The following FABP6 variants were observed in gnomAD, a reference collection of about 807,000 sequenced individuals.
The protein encoded by FABP6 is gastrotropin.
Under a neutral mutation model 14.9 loss-of-function variants are expected in FABP6, and 13 were observed. That is an observed-to-expected ratio of 0.87 (90% confidence interval 0.57 to 1.39). The LOEUF is 1.39. Ranked by LOEUF, FABP6 falls within the 40% of genes most tolerant of loss-of-function variation. The pLI is 0.00. For synonymous variants in FABP6, 75 were observed against 63.6 expected, an observed-to-expected ratio of 1.18 and a Z score of -0.85; for missense variants, 161 against 167.2, an observed-to-expected ratio of 0.96 and a Z score of 0.20.
intron 2 of FABP6, among the ~76,000 whole-genome samples, chr5:160,208,893 C>T (rs1223131946): frequency 6.6e-6 from 1 of 151,726 alleles, no homozygotes; most frequent in African/African-American, 2.4e-5. Context: ...TCTCCTGCCT[C>T]AGCCTCCCAA....
chr5:160,217,196 T>C (rs1171699419), intron 3 of FABP6, among the ~76,000 whole-genome samples: 1 of 152,196 alleles, frequency 6.6e-6, no homozygotes, highest in Non-Finnish European at 1.5e-5. Flanking sequence ...GCAAGTTTTG[T>C]TGAGGGCAGA....
At chr5:160,194,259 C>G (rs1170848541) in intron 1 of FABP6, among the ~76,000 whole-genome samples, 1 of 152,230 alleles carries the variant, frequency 6.6e-6, no homozygotes, top group South Asian at 2.1e-4. Context: ...CGCATCCGCA[C>G]GCAGCCCCAG....
chr5:160,198,909 G>A (rs987977414), intron 1 of FABP6: 6 of 586,284 alleles, frequency 1.0e-5, no homozygotes, highest in East Asian at 2.8e-5. Flanking sequence ...GGGACCTCAC[G>A]TGTTTCTTCT....
At position 160,190,390 on chromosome 5, in the gene FABP6, G is replaced by A. The variant is rs538449994; in HGVS notation, c.-59+2936G>A. 5.9e-5 allele frequency among the ~76,000 whole-genome samples: 9 copies of A among 152,070 alleles called. No homozygotes were observed. The East Asian group carries it at 1.2e-3, about 20-fold the overall frequency. On this transcript the variant is annotated intron_variant, in intron 1 of 6. Transcript: ENST00000393980. ...TGGGATTACAGGCATGCACCACCAC[G>A]TCCAGCTAAGTTTGTATTTTTAGTG...
chr5:160,215,186 T>A (rs1279580822), intron 3 of FABP6, among the ~76,000 whole-genome samples: 1 of 152,218 alleles, frequency 6.6e-6, no homozygotes, highest in Non-Finnish European at 1.5e-5. Flanking sequence ...TAAGTTGTGA[T>A]ATGTCTGTAC....
At chr5:160,209,078 G>A (rs917183215) in intron 2 of FABP6, among the ~76,000 whole-genome samples, 2 of 151,762 alleles carry the variant, frequency 1.3e-5, no homozygotes. Context: ...ACCCAGCAGG[G>A]AGACCCCATT....
upstream of FABP6, among the ~76,000 whole-genome samples, chr5:160,225,827 G>T (rs1361803219): frequency 6.6e-6 from 1 of 152,116 alleles, no homozygotes; most frequent in Non-Finnish European, 1.5e-5. Flanking sequence ...TGATAAGAAA[G>T]AAAACAATAA....
intron 1 of FABP6, among the ~76,000 whole-genome samples, chr5:160,231,044 A>C (rs981398937): frequency 2.6e-5 from 4 of 152,200 alleles, no homozygotes; most frequent in Non-Finnish European, 5.9e-5. Context: ...AGTCTCAGGC[A>C]GTGTAACTCT....
At chr5:160,236,809 T>C (rs1156873283) in intron 3 of FABP6, among the ~76,000 whole-genome samples, 1 of 133,744 alleles carries the variant, frequency 7.5e-6, no homozygotes. Context: ...CGGTCTCTAC[T>C]AAAAATACAA....
At chr5:160,225,093 GT>G (rs61110860), upstream of FABP6, among the ~76,000 whole-genome samples, 89,162 of 146,164 alleles carry the variant, frequency 0.61, 27,153 homozygotes, top group African/African-American at 0.71. Flanking sequence ...CCTGATAGCA[GT>G]TTTTTTTTTT....
chr5:160,190,113 G>A (rs1759365673), intron 1 of FABP6, among the ~76,000 whole-genome samples: 1 of 152,180 alleles, frequency 6.6e-6, no homozygotes, highest in African/African-American at 2.4e-5. Flanking sequence ...ACTTGGAGTT[G>A]CTTATCTATC....
chr5:160,188,307 G>A (rs921744915), intron 1 of FABP6, among the ~76,000 whole-genome samples: 5 of 152,158 alleles, frequency 3.3e-5, no homozygotes, highest in African/African-American at 1.2e-4. Flanking sequence ...CTGCTTCAGA[G>A]CTCTAGGAAG....
intron 3 of FABP6, among the ~76,000 whole-genome samples, chr5:160,238,169 T>C (rs1760557207): frequency 6.6e-6 from 1 of 152,166 alleles, no homozygotes; most frequent in African/African-American, 2.4e-5. Context: ...AGGGACTGTA[T>C]CTTCCCATCA....
chr5:160,234,760 C>G (rs1580925764), intron 2 of FABP6, 60 bp from the exon 3 acceptor site: 1 of 1,409,830 alleles, frequency 7.1e-7, no homozygotes, highest in African/African-American at 1.4e-5. Flanking sequence ...GCGCCACCAG[C>G]CCCAGATAGT....
At chr5:160,237,353 T>C (rs1453550395) in intron 3 of FABP6, among the ~76,000 whole-genome samples, 2 of 151,954 alleles carry the variant, frequency 1.3e-5, no homozygotes, top group East Asian at 1.9e-4. Flanking sequence ...CACACACACA[T>C]GACACAGCCA....
chr5:160,197,517 G>T, intron 1 of FABP6: 1 of 152,344 alleles, frequency 6.6e-6, no homozygotes, highest in Admixed American at 6.5e-5. Context: ...CCAGTGTGGT[G>T]ATAGTGGGAC....
chr5:160,188,065 T>TTA (rs10626416), intron 1 of FABP6, among the ~76,000 whole-genome samples: 152,174 of 152,178 alleles, frequency 1, 76,085 homozygotes, highest in Middle Eastern at 1. Flanking sequence ...GCTAATATTT[T>TTA]TTATTTCTCC....
At chr5:160,198,338 G>A (rs62379585) in intron 1 of FABP6, 50,589 of 152,016 alleles carry the variant, frequency 0.33, 9,114 homozygotes, top group Non-Finnish European at 0.4. Context: ...CCCCCAGCAG[G>A]TTTGCCTTCT....
At chr5:160,238,569 G>A in intron 3 of FABP6, 37 bp from the exon 4 acceptor site, 1 of 1,600,784 alleles carries the variant, frequency 6.2e-7, no homozygotes, top group Non-Finnish European at 8.6e-7. Context: ...CCTTGGGGTG[G>A]GGCACTGACT....
Sources: gnomAD v4.1 joint callset for allele counts (sites outside exome capture counted in the v4.1 genomes callset) on GRCh38, gnomAD v4.1.1 for gene constraint, MANE v1.5 for transcripts, NCBI Gene and HGNC (gene_info 2026-07-23, HGNC 2026-07-21) for gene names.